The following FAXC variants were observed in gnomAD, a reference collection of about 807,000 sequenced individuals.
FAXC encodes failed axon connections homolog, metaxin like GST domain containing, also known as failed axon connections homolog.
Under a neutral mutation model 41.9 loss-of-function variants are expected in FAXC, and 10 were observed. The observed-to-expected ratio is 0.24, with a 90% CI of 0.15 to 0.41. The LOEUF is 0.41. FAXC is among the 10% of genes least tolerant of loss of function. FAXC has a pLI of 1.00. For missense variants in FAXC, 399 were observed against 510.9 expected, an observed-to-expected ratio of 0.78 and a Z score of 2.11; for synonymous variants, 183 against 183.8, an observed-to-expected ratio of 1.00 and a Z score of 0.03.
chr6:99,291,197 T>G (rs1771224988), intron 5 of FAXC, among the ~76,000 whole-genome samples: 1 of 152,014 alleles, frequency 6.6e-6, no homozygotes, highest in Non-Finnish European at 1.5e-5. Flanking sequence ...CAGAATCCTA[T>G]GTACTTACAG....
At chr6:99,318,449 G>A (rs1468462334) in intron 4 of FAXC, among the ~76,000 whole-genome samples, 1 of 152,154 alleles carries the variant, frequency 6.6e-6, no homozygotes, top group Non-Finnish European at 1.5e-5. Context: ...AACAAGAAGT[G>A]AGAGAGGGAT....
intron 3 of FAXC, among the ~76,000 whole-genome samples, chr6:99,328,928 C>T (rs1772927810): frequency 6.6e-6 from 1 of 152,186 alleles, no homozygotes; most frequent in Non-Finnish European, 1.5e-5. Context: ...TTTGAGCCAG[C>T]TACTGCTAAG....
At chr6:99,334,144 T>A (rs889023980) in intron 2 of FAXC, among the ~76,000 whole-genome samples, 5 of 152,218 alleles carry the variant, frequency 3.3e-5, no homozygotes, top group African/African-American at 1.2e-4. Flanking sequence ...TGGATCAGAA[T>A]CCTGGGGATA....
At chr6:99,310,176 T>C (rs1310523728) in intron 4 of FAXC, among the ~76,000 whole-genome samples, 1 of 152,208 alleles carries the variant, frequency 6.6e-6, no homozygotes, top group Non-Finnish European at 1.5e-5. Context: ...AGGGCTGGGT[T>C]GTGTACCATG....
At chr6:99,300,207 G>A (rs1453243435) in intron 4 of FAXC, among the ~76,000 whole-genome samples, 2 of 152,152 alleles carry the variant, frequency 1.3e-5, no homozygotes, top group Admixed American at 1.3e-4. Context: ...GCAAAGGGTT[G>A]TGTATCCTCC....
chr6:99,312,556 G>A (rs1772191287), intron 4 of FAXC, among the ~76,000 whole-genome samples: 1 of 152,182 alleles, frequency 6.6e-6, no homozygotes, highest in African/African-American at 2.4e-5. Flanking sequence ...ACTCCCAGCT[G>A]AAGAAAGGGA....
At chr6:99,322,867 A>G (rs2128459765) in intron 4 of FAXC, among the ~76,000 whole-genome samples, 1 of 152,360 alleles carries the variant, frequency 6.6e-6, no homozygotes, top group East Asian at 1.9e-4. Context: ...TTTCCCAAAC[A>G]AAATTATATC....
intron 4 of FAXC, among the ~76,000 whole-genome samples, chr6:99,316,728 C>T (rs915792557): frequency 6.6e-6 from 1 of 152,200 alleles, no homozygotes; most frequent in African/African-American, 2.4e-5. Context: ...TATGACTAAT[C>T]ACAAAAGCTT....
intron 4 of FAXC, among the ~76,000 whole-genome samples, chr6:99,307,979 G>A (rs563114195): frequency 6.6e-5 from 10 of 152,266 alleles, no homozygotes; most frequent in Admixed American, 5.9e-4. Context: ...AAAGGATTGG[G>A]ACAAATCAAA....
intron 4 of FAXC, among the ~76,000 whole-genome samples, chr6:99,311,439 G>A (rs1299588257): frequency 6.6e-6 from 1 of 152,164 alleles, no homozygotes; most frequent in African/African-American, 2.4e-5. Flanking sequence ...GCCAGGCACG[G>A]TGGTGGGCAC....
At chr6:99,290,104 C>CACAT (rs1771177480) in intron 5 of FAXC, among the ~76,000 whole-genome samples, 1 of 128,914 alleles carries the variant, frequency 7.8e-6, no homozygotes, top group African/African-American at 2.9e-5. Context: ...TACCCCACCA[C>CACAT]ACACACACAC....
intron 3 of FAXC, among the ~76,000 whole-genome samples, chr6:99,330,853 TTTTGTGTGTGGCC>T (rs1773002862): frequency 6.6e-6 from 1 of 152,242 alleles, no homozygotes; most frequent in South Asian, 2.1e-4. Flanking sequence ...CAGGTAGACA[TTTTGTGTGTGGCC>T]TTGGAACCAG....
Position 99,274,041 on chromosome 6 carries a change from T to G in FAXC, c.*7123A>C, listed in dbSNP as rs1196710565. 1 of 152,126 alleles carries G rather than the reference T, an allele frequency of 6.6e-6. No individual in the cohort carries two copies. Among genetic ancestry groups the G allele is most frequent in the Non-Finnish European group, 1.5e-5 (1 of 68,006 alleles). The allele number at this position is 152,126 out of a possible 1,614,324, so 9.4% of individuals were successfully genotyped here. A position where few individuals can be genotyped will look rare whatever the true frequency, so the allele number is the denominator to read the frequency against. Reference sequence around the variant, plus strand: ...TTTAAAAGACTTCTCTAAAACAAAATGTACATTACTTTGTACAATTTTATA... The same window carrying G: ...TTTAAAAGACTTCTCTAAAACAAAAGGTACATTACTTTGTACAATTTTATA... On this transcript the variant is annotated 3_prime_UTR_variant, in exon 6 of 6. Transcript: ENST00000389677.
rs528921197 is a variant in FAXC, at chr6:99,318,813, G to A, written c.823+4631C>T. Among the ~76,000 whole-genome samples, 12 of 152,282 alleles carry A rather than the reference G, an allele frequency of 7.9e-5. No homozygotes were observed. The South Asian group carries it at 2.1e-3, about 26-fold the overall frequency. ...GTGTGAAATCAAAGAGCTGGTAAGC[G>A]GTGATGCCCCAGATGTGAACCCGGG... On this transcript the variant is annotated intron_variant, in intron 4 of 5. Transcript: ENST00000389677.
chr6:99,324,075 T>C (rs760279341), intron 3 of FAXC, among the ~76,000 whole-genome samples: 1 of 152,156 alleles, frequency 6.6e-6, no homozygotes, highest in Non-Finnish European at 1.5e-5. Flanking sequence ...GGTGTTGGCA[T>C]CATTCTCTTT....
In FAXC at chr6:99,272,203, T is replaced by C. The variant is rs1770433380; in HGVS notation, c.*8961A>G. 1 of 149,178 alleles carries C rather than the reference T, an allele frequency of 6.7e-6. No individual in the cohort carries two copies. The highest frequency in any genetic ancestry group is 1.5e-5 in the Non-Finnish European group (1 of 67,728). The allele number at this position is 149,178 out of a possible 1,614,324, so 9.2% of individuals were successfully genotyped here. On this transcript the variant is annotated 3_prime_UTR_variant, in exon 6 of 6. Coordinates refer to ENST00000389677, the MANE Select transcript of FAXC (RefSeq NM_032511.4). ...GTGTGTGTGTGTGTTTGAGATGGAG[T>C]TTTGCTCTTGTTGCCCAGGCTGGAG...
chr6:99,314,920 CT>C (rs1772283238), intron 4 of FAXC, among the ~76,000 whole-genome samples: 1 of 152,070 alleles, frequency 6.6e-6, no homozygotes, highest in African/African-American at 2.4e-5. Flanking sequence ...TTGGGCTTAT[CT>C]TTCAGAATGC....
chr6:99,298,862 G>A (rs891096184), intron 4 of FAXC, among the ~76,000 whole-genome samples: 1 of 152,072 alleles, frequency 6.6e-6, no homozygotes, highest in Non-Finnish European at 1.5e-5. Flanking sequence ...GACAGAACCA[G>A]TTCAACCTCT....
At position 99,280,506 on chromosome 6, in the gene FAXC, G is replaced by C. The variant is rs1562145585; in HGVS notation, c.*658C>G. The C allele has an allele frequency of 6.6e-6, 1 of 152,562 alleles. No homozygotes were observed. Among genetic ancestry groups the C allele is most frequent in the East Asian group, 1.9e-4 (1 of 5,204 alleles). 9.5% of individuals were successfully genotyped at this position (152,562 alleles called of 1,614,324 possible). A position where few individuals can be genotyped will look rare whatever the true frequency, so the allele number is the denominator to read the frequency against. On this transcript the variant is annotated 3_prime_UTR_variant, in exon 6 of 6. Transcript: ENST00000389677. ...CACCCCTGTGAGGTAGGTAGGTGGA[G>C]AGTATTGTCATCCCCACTTTACAGG...
Sources: gnomAD v4.1 joint callset for allele counts (sites outside exome capture counted in the v4.1 genomes callset) on GRCh38, gnomAD v4.1.1 for gene constraint, MANE v1.5 for transcripts, NCBI Gene and HGNC (gene_info 2026-07-23, HGNC 2026-07-21) for gene names.